The following XRN2 variants were observed in gnomAD, a reference collection of about 807,000 sequenced individuals.
XRN2 encodes the protein 5'-3' exoribonuclease 2.
In XRN2, 44 loss-of-function variants were observed where a neutral mutation model predicts 138.5. The observed-to-expected ratio is 0.32, with a 90% CI of 0.25 to 0.41. The LOEUF is 0.41. Among genes scored for constraint, XRN2 ranks in the 10% least tolerant of loss-of-function variants. The pLI, the probability that XRN2 is intolerant of heterozygous loss-of-function variation, is 1.00. For synonymous variants in XRN2, 354 were observed against 369.4 expected (o/e 0.96, Z 0.48); for missense variants, 937 against 1,169.3 (o/e 0.80, Z 2.90).
At chr20:21,326,710 TGAGAA>T in intron 3 of XRN2, 109 bp downstream of exon 3, 1 of 858,308 alleles carries the variant, frequency 1.2e-6, no homozygotes, top group East Asian at 2.7e-5. Flanking sequence ...GTGATGAACT[TGAGAA>T]AGAAAGCCTC....
At chr20:21,383,176 C>T (rs542535584) in intron 28 of XRN2, among the ~76,000 whole-genome samples, 109 of 152,280 alleles carry the variant, frequency 7.2e-4, no homozygotes, top group East Asian at 2.1e-3. Context: ...AAATGCAATA[C>T]GACTAGCAAT....
intron 21 of XRN2, 115 bp from the exon 22 acceptor site, chr20:21,355,965 T>C: frequency 1.7e-6 from 1 of 605,226 alleles, no homozygotes; most frequent in Non-Finnish European, 2.7e-6. Context: ...TTTTCATAAA[T>C]TTTATAATTA....
At chr20:21,325,327 A>G (rs1019877194) in intron 1 of XRN2, among the ~76,000 whole-genome samples, 7 of 152,266 alleles carry the variant, frequency 4.6e-5, no homozygotes, top group South Asian at 4.1e-4. Flanking sequence ...AACATTTACA[A>G]AAACATAATT....
At chr20:21,343,018 G>T (rs2038391522) in intron 15 of XRN2, among the ~76,000 whole-genome samples, 1 of 151,924 alleles carries the variant, frequency 6.6e-6, no homozygotes, top group Admixed American at 6.6e-5. Context: ...TAAGTTCTAT[G>T]TGAAATATGA....
At chr20:21,333,425 T>A in intron 9 of XRN2, 119 bp from the exon 10 acceptor site, 1 of 1,046,406 alleles carries the variant, frequency 9.6e-7, no homozygotes, top group Non-Finnish European at 1.5e-6. Context: ...CTTTTAAAAA[T>A]TAAATACTTG....
chr20:21,345,518 G>A lies in XRN2; in HGVS notation c.1530-897G>A, dbSNP rs536447474. Among the ~76,000 whole-genome samples the A allele has an allele frequency of 6.6e-5, 10 of 152,220 alleles. No individual in the cohort carries two copies. In the East Asian group the frequency reaches 1.3e-3, roughly 21 times the overall value. On this transcript the variant is annotated intron_variant, in intron 16 of 29. Transcript: ENST00000377191. Reference sequence around the variant, plus strand: ...GTGAAATCTGGCACATGGAAAAGAGGCCTAAATGGAGAATCATCTTGATGT... The same window carrying A: ...GTGAAATCTGGCACATGGAAAAGAGACCTAAATGGAGAATCATCTTGATGT...
At chr20:21,354,169 G>A (rs955076002) in intron 20 of XRN2, among the ~76,000 whole-genome samples, 2 of 152,112 alleles carry the variant, frequency 1.3e-5, no homozygotes, top group Non-Finnish European at 2.9e-5. Flanking sequence ...TACTCCAGAG[G>A]ATCATTTTAA....
chr20:21,389,141 G>T, intron 29 of XRN2, 132 bp from the exon 30 acceptor site: 3 of 710,284 alleles, frequency 4.2e-6, no homozygotes, highest in Non-Finnish European at 6.6e-6. Context: ...CTTTTATGGG[G>T]CCTTTCCATG....
At chr20:21,316,699 C>T (rs951555722) in intron 1 of XRN2, among the ~76,000 whole-genome samples, 2 of 152,132 alleles carry the variant, frequency 1.3e-5, no homozygotes, top group African/African-American at 4.8e-5. Flanking sequence ...TTACAGAGCA[C>T]GTTGAATTTG....
chr20:21,346,702 C>T (rs1032611998), intron 17 of XRN2, 152 bp downstream of exon 17: 2 of 908,440 alleles, frequency 2.2e-6, no homozygotes, highest in African/African-American at 1.7e-5. Context: ...TCACTGCGAC[C>T]TCTGCCTCCC....
chr20:21,330,602 T>C lies in XRN2; in HGVS notation c.487-14T>C. On this transcript the variant is annotated splice_polypyrimidine_tract_variant and intron_variant, in intron 5 of 29. Transcript: ENST00000377191. ...TTAAATGATAGGTTAATTTATTTCT[T>C]TCTATCATTTTAGGGAACTGAATTC... The C allele has an allele frequency of 6.2e-7, 1 of 1,613,656 alleles. No individual in the cohort carries two copies.
intron 24 of XRN2, among the ~76,000 whole-genome samples, chr20:21,359,143 A>G (rs2038608331): frequency 6.6e-6 from 1 of 152,116 alleles, no homozygotes; most frequent in Admixed American, 6.5e-5. Context: ...AACATTTTGG[A>G]TTTTTTGTTT....
intron 27 of XRN2, among the ~76,000 whole-genome samples, chr20:21,379,097 C>T (rs145891677): frequency 1.4e-3 from 206 of 152,288 alleles, no homozygotes; most frequent in African/African-American, 4.5e-3. Flanking sequence ...GTGATTGCCA[C>T]GCTGATTAGG....
At chr20:21,353,569 T>C (rs909516453) in intron 20 of XRN2, among the ~76,000 whole-genome samples, 2 of 151,740 alleles carry the variant, frequency 1.3e-5, no homozygotes, top group Admixed American at 1.3e-4. Flanking sequence ...GTTGGAAGGA[T>C]TGCTTGAAAC....
intron 28 of XRN2, among the ~76,000 whole-genome samples, chr20:21,385,214 T>C (rs1185016536): frequency 6.6e-6 from 1 of 152,236 alleles, no homozygotes; most frequent in Non-Finnish European, 1.5e-5. Flanking sequence ...AATTTTATTA[T>C]TGTAAGACTC....
At chr20:21,320,405 T>A (rs2122185267) in intron 1 of XRN2, among the ~76,000 whole-genome samples, 1 of 152,086 alleles carries the variant, frequency 6.6e-6, no homozygotes, top group Non-Finnish European at 1.5e-5. Flanking sequence ...GTTCACGCCA[T>A]TCTCCTGCCT....
chr20:21,329,067 T>C (rs1339930562), intron 4 of XRN2, among the ~76,000 whole-genome samples: 1 of 152,166 alleles, frequency 6.6e-6, no homozygotes, highest in East Asian at 1.9e-4. Flanking sequence ...TCAGCTTTGG[T>C]TTGCTTGCTT....
intron 23 of XRN2, 68 bp downstream of exon 23, chr20:21,356,733 G>T: frequency 1.5e-6 from 2 of 1,320,296 alleles, no homozygotes; most frequent in Non-Finnish European, 2.1e-6. Flanking sequence ...TTTCCTTGTT[G>T]TCTAAATGTT....
At chr20:21,308,979 G>A (rs765255475) in intron 1 of XRN2, among the ~76,000 whole-genome samples, 1 of 151,998 alleles carries the variant, frequency 6.6e-6, no homozygotes, top group Non-Finnish European at 1.5e-5. Context: ...GTGAATTATC[G>A]GTCTTTAAAT....
Sources: allele counts gnomAD v4.1 joint callset (sites outside exome capture counted in the v4.1 genomes callset), GRCh38; gene constraint gnomAD v4.1.1; transcripts MANE v1.5; gene names NCBI Gene and HGNC (gene_info 2026-07-23, HGNC 2026-07-21).